The following CASTOR2 variants were observed in gnomAD, a reference collection of about 807,000 sequenced individuals.
The protein encoded by CASTOR2 is cytosolic arginine sensor for mTORC1 subunit 2, also known as GATS protein like 2.
In CASTOR2, 8 loss-of-function variants were observed where a neutral mutation model predicts 31.2. The ratio of observed to expected loss-of-function variants is 0.26; its 90% confidence interval spans 0.15 to 0.46. The LOEUF (loss-of-function observed/expected upper bound fraction) is 0.46. Among genes scored for constraint, CASTOR2 ranks in the 20% least tolerant of loss-of-function variants. The pLI, the probability that CASTOR2 is intolerant of heterozygous loss-of-function variation, is 0.99. For synonymous variants in CASTOR2, 162 were observed against 158.7 expected, an observed-to-expected ratio of 1.02 and a Z score of -0.16; for missense variants, 216 against 382.1, an observed-to-expected ratio of 0.57 and a Z score of 3.62.
At chr7:74,993,783 T>A (rs1804269653) in intron 1 of CASTOR2, among the ~76,000 whole-genome samples, 1 of 138,324 alleles carries the variant, frequency 7.2e-6, no homozygotes, top group Non-Finnish European at 1.5e-5. Context: ...GAACTGGTGG[T>A]AAACTGTGCC....
chr7:74,975,220 G>A (rs1803773854), intron 1 of CASTOR2, among the ~76,000 whole-genome samples: 1 of 151,440 alleles, frequency 6.6e-6, no homozygotes, highest in African/African-American at 2.4e-5. Context: ...TGCCCGCCTT[G>A]GCCTCCCAAC....
intron 1 of CASTOR2, among the ~76,000 whole-genome samples, chr7:75,001,276 C>A (rs1367930066): frequency 6.6e-6 from 1 of 152,090 alleles, no homozygotes; most frequent in East Asian, 1.9e-4. Context: ...TGGAGTCTTA[C>A]CATGTTGCCC....
intron 1 of CASTOR2, among the ~76,000 whole-genome samples, chr7:74,990,564 A>T (rs1368710743): frequency 2.0e-5 from 3 of 151,952 alleles, no homozygotes; most frequent in Non-Finnish European, 2.9e-5. Flanking sequence ...ACAAAAAAAT[A>T]AAAAATTAGG....
intron 1 of CASTOR2, among the ~76,000 whole-genome samples, chr7:75,004,223 G>A (rs1804560228): frequency 6.6e-6 from 1 of 152,194 alleles, no homozygotes; most frequent in South Asian, 2.1e-4. Context: ...CCTGACCAGT[G>A]ATTGCCACTT....
chr7:75,001,034 G>A (rs1399450837), intron 1 of CASTOR2, among the ~76,000 whole-genome samples: 2 of 152,106 alleles, frequency 1.3e-5, no homozygotes, highest in Non-Finnish European at 2.9e-5. Context: ...GCAGAGTCTG[G>A]CTGACACAGG....
At chr7:75,021,815 C>T in intron 6 of CASTOR2, 59 bp from the exon 7 acceptor site, 1 of 1,547,248 alleles carries the variant, frequency 6.5e-7, no homozygotes, top group South Asian at 1.2e-5. Context: ...CACCAGCACA[C>T]CAAGGAGGGA....
At chr7:74,996,608 G>A (rs1351035859) in intron 1 of CASTOR2, among the ~76,000 whole-genome samples, 1 of 149,956 alleles carries the variant, frequency 6.7e-6, no homozygotes, top group Non-Finnish European at 1.5e-5. Flanking sequence ...GGTTGAATGA[G>A]CTTCTGGTTA....
chr7:75,000,770 A>G (rs1210047262), intron 1 of CASTOR2, among the ~76,000 whole-genome samples: 2 of 151,998 alleles, frequency 1.3e-5, no homozygotes, highest in African/African-American at 4.8e-5. Context: ...GCAATTCTGC[A>G]TCAGCCTCCC....
At chr7:75,009,489 C>T (rs1428896434) in intron 2 of CASTOR2, among the ~76,000 whole-genome samples, 14 of 148,828 alleles carry the variant, frequency 9.4e-5, no homozygotes, top group Admixed American at 2.7e-4. Context: ...AGGATGGTCT[C>T]GATCTCCTGA....
chr7:75,009,602 A>C (rs1366036418), intron 2 of CASTOR2, among the ~76,000 whole-genome samples: 1 of 151,980 alleles, frequency 6.6e-6, no homozygotes, highest in African/African-American at 2.4e-5. Flanking sequence ...ATTAAAATTA[A>C]AATTAAGTGG....
intron 1 of CASTOR2, among the ~76,000 whole-genome samples, chr7:75,007,079 A>G (rs1239648378): frequency 1.3e-5 from 2 of 152,140 alleles, no homozygotes; most frequent in Non-Finnish European, 2.9e-5. Context: ...ATAAGTGGCC[A>G]GGGGTCAGTT....
intron 1 of CASTOR2, among the ~76,000 whole-genome samples, chr7:74,985,738 G>T (rs1166066565): frequency 3.3e-5 from 5 of 152,044 alleles, no homozygotes; most frequent in African/African-American, 4.8e-5. Flanking sequence ...GGGCATGGCA[G>T]AACCTTCCTT....
chr7:74,972,741 G>T (rs1489380787), intron 1 of CASTOR2, among the ~76,000 whole-genome samples: 1 of 150,230 alleles, frequency 6.7e-6, no homozygotes, highest in African/African-American at 2.4e-5. Flanking sequence ...GTGCAATGGC[G>T]CAATCTCGGC....
At position 74,999,006 on chromosome 7, in the gene CASTOR2, T is replaced by G. The variant is rs1197275447; in HGVS notation, c.114-8988T>G. On this transcript the variant is annotated intron_variant, in intron 1 of 8. Transcript: ENST00000616305. The stretch of plus-strand genomic sequence containing the variant: ...CATTTTATTTTCTATCTTTTTTTTT[T>G]GTTTTTTGAGATGGAGTCTCGCTCT... Among the ~76,000 whole-genome samples, 5 of 151,872 alleles carry G rather than the reference T, an allele frequency of 3.3e-5. No homozygotes were observed. In the East Asian group the frequency reaches 7.7e-4, roughly 24 times the overall value.
intron 1 of CASTOR2, among the ~76,000 whole-genome samples, chr7:75,007,209 A>C (rs1274205375): frequency 5.9e-5 from 9 of 151,964 alleles, no homozygotes; most frequent in African/African-American, 2.2e-4. Flanking sequence ...TGTTGAGGGG[A>C]TGATGACCCC....
At position 75,024,989 on chromosome 7, in the gene CASTOR2, C is replaced by A. The variant is rs2131959873; in HGVS notation, c.*290C>A. 6.6e-6 allele frequency among the ~76,000 whole-genome samples: 1 copy of A among 152,358 alleles called. No individual in the cohort carries two copies. The highest frequency in any genetic ancestry group is 2.1e-4 in the South Asian group (1 of 4,834). On this transcript the variant is annotated 3_prime_UTR_variant, in exon 9 of 9. Coordinates refer to ENST00000616305, the MANE Select transcript of CASTOR2 (RefSeq NM_001145064.3). ...TTCGGAGGCCCAGGGAGCTTGTGAG[C>A]TGATCCGCCTTCTCATCCGGCCTCA...
chr7:74,993,504 G>A (rs1804262360), intron 1 of CASTOR2, among the ~76,000 whole-genome samples: 1 of 144,840 alleles, frequency 6.9e-6, no homozygotes, highest in Non-Finnish European at 1.5e-5. Flanking sequence ...AGGCTGGAGT[G>A]CAGTGGTGTG....
At chr7:75,007,739 G>A in intron 1 of CASTOR2, 1 of 586,366 alleles carries the variant, frequency 1.7e-6, no homozygotes, top group Non-Finnish European at 3.1e-6. Flanking sequence ...ACAGTCATAG[G>A]GGCTGACTGG....
Position 75,020,156 on chromosome 7 carries a change from C to T in CASTOR2, c.746+7C>T. 3 of 1,551,346 alleles carry T rather than the reference C, an allele frequency of 1.9e-6. No individual in the cohort carries two copies. The highest frequency in any genetic ancestry group is 2.6e-6 in the Non-Finnish European group (3 of 1,146,774). Reference sequence around the variant, plus strand: ...ACGTGCAGACGCAGCAGAGGTGAGCCAGGCCCTGGGGTGGACGTTCAACCC... The same window carrying T: ...ACGTGCAGACGCAGCAGAGGTGAGCTAGGCCCTGGGGTGGACGTTCAACCC... On this transcript the variant is annotated splice_region_variant and intron_variant, in intron 6 of 8. Coordinates refer to ENST00000616305, the MANE Select transcript of CASTOR2 (RefSeq NM_001145064.3).
Sources: allele counts gnomAD v4.1 joint callset (sites outside exome capture counted in the v4.1 genomes callset), GRCh38; gene constraint gnomAD v4.1.1; transcripts MANE v1.5; gene names NCBI Gene and HGNC (gene_info 2026-07-23, HGNC 2026-07-21).